Variants in AKAP9 observed in about 807,000 individuals in gnomAD.
AKAP9 encodes the protein A-kinase anchor protein 9.
In AKAP9, 311 loss-of-function variants were observed where a neutral mutation model predicts 488.5. The observed-to-expected ratio is 0.64, with a 90% CI of 0.58 to 0.70. The LOEUF (loss-of-function observed/expected upper bound fraction) is 0.70, where lower values mean the gene tolerates loss of function less well. Among genes scored for constraint, AKAP9 ranks in the 30% least tolerant of loss-of-function variants. AKAP9 has a pLI of 0.00. For synonymous variants in AKAP9, 1,462 were observed against 1,483.5 expected (o/e 0.99, Z 0.33); for missense variants, 4,215 against 4,374.5 (o/e 0.96, Z 1.03).
intron 1 of AKAP9, among the ~76,000 whole-genome samples, chr7:91,968,367 G>A (rs1794669437): frequency 6.6e-6 from 1 of 151,990 alleles, no homozygotes; most frequent in Admixed American, 6.6e-5. Flanking sequence ...TTTCTTCTAG[G>A]TTTTTGAATT....
chr7:92,001,476 TAGA>T lies in AKAP9; in HGVS notation c.1564_1566del (p.Glu522del). On this transcript the variant is annotated inframe_deletion, in exon 8 of 50. Transcript: ENST00000356239. The stretch of plus-strand genomic sequence containing the variant: ...CTCAAGGAAGAACTAGGACTAATTT[TAGA>T]AGAAAAGTGTGCTCTACAGAGACAG... 6.2e-7 allele frequency: 1 copy of T among 1,613,926 alleles called. No individual in the cohort carries two copies. Among genetic ancestry groups the T allele is most frequent in the Non-Finnish European group, 8.5e-7 (1 of 1,179,878 alleles).
At position 92,001,466 on chromosome 7, in the gene AKAP9, G is replaced by C. The variant is rs371522837; in HGVS notation, c.1549G>C (p.Gly517Arg). The C allele has an allele frequency of 2.2e-5, 36 of 1,613,810 alleles. No individual in the cohort carries two copies. The highest frequency in any genetic ancestry group is 2.8e-5 in the Non-Finnish European group (33 of 1,179,860). ...SQKEKLKEEL[G>R]LILEEKCALQ... ...AAAGGAAAAACTCAAGGAAGAACTA[G>C]GACTAATTTTAGAAGAAAAGTGTGC... Residue 517 changes from glycine (G) to arginine (R), a missense_variant, in exon 8 of 50, where the codon GGA becomes CGA. This residue lies in a region of AKAP9 where 2,361 missense variants were observed against 2,430.0 expected (regional missense o/e 0.97). Transcript: ENST00000356239.
intron 30 of AKAP9, 53 bp downstream of exon 30, chr7:92,077,928 G>T: frequency 7.4e-7 from 1 of 1,360,018 alleles, no homozygotes; most frequent in South Asian, 1.3e-5. Context: ...AGTTTTAAAG[G>T]GCAAAATGGT....
At position 91,980,309 on chromosome 7, in the gene AKAP9, C is replaced by T; in HGVS notation, c.327C>T (p.Thr109=). 1 of 1,584,768 alleles carries T rather than the reference C, an allele frequency of 6.3e-7. No homozygotes were observed. The highest frequency in any genetic ancestry group is 8.6e-7 in the Non-Finnish European group (1 of 1,159,528). ...FSVELESEIS[T]TADDCSSEVN... is the part of the protein sequence containing the mutation. Reference sequence around the variant, plus strand: ...TTTAGCTGGAAAGTGAAATTTCAACCACAGCAGATGACTGCAGTTCAGAGG... The same window carrying T: ...TTTAGCTGGAAAGTGAAATTTCAACTACAGCAGATGACTGCAGTTCAGAGG... Residue 109 remains threonine (T), a synonymous_variant, in exon 3 of 50, where the codon ACC becomes ACT. Coordinates refer to ENST00000356239, the MANE Select transcript of AKAP9 (RefSeq NM_005751.5).
intron 3 of AKAP9, among the ~76,000 whole-genome samples, chr7:91,980,560 G>T: frequency 9.2e-6 from 1 of 109,000 alleles, no homozygotes; most frequent in Admixed American, 1.3e-4. Context: ...AAATAGCTTG[G>T]TCTCTGTTTT....
At chr7:92,102,481 CT>C in intron 45 of AKAP9, 112 bp from the exon 46 acceptor site, 3 of 736,936 alleles carry the variant, frequency 4.1e-6, no homozygotes, top group East Asian at 2.7e-5. Context: ...ACTACTACTA[CT>C]ACTACTACCA....
chr7:92,005,303 T>C (rs1799687499), intron 8 of AKAP9, among the ~76,000 whole-genome samples: 1 of 152,176 alleles, frequency 6.6e-6, no homozygotes, highest in Admixed American at 6.5e-5. Flanking sequence ...TTAAATATGG[T>C]GGTCAGGAAA....
Position 91,992,972 on chromosome 7 carries a change from G to A in AKAP9, c.493G>A (p.Ala165Thr). 6.2e-7 allele frequency: 1 copy of A among 1,614,090 alleles called. No homozygotes were observed. The highest frequency in any genetic ancestry group is 8.5e-7 in the Non-Finnish European group (1 of 1,179,990). ...TCTAGAGATGATGGAAAGTGAGTTG[G>A]CTGGGAAGCAGCATGAGATTGAAGA... Reference protein sequence around the residue: ...THLEMMESELAGKQHEIEELN... With the variant: ...THLEMMESELTGKQHEIEELN... Residue 165 changes from alanine to threonine, a missense_variant, in exon 5 of 50, where the codon GCT becomes ACT. Around this residue, in one of 5 missense-constraint regions of AKAP9, gnomAD observed 2,361 missense variants for 2,430.0 expected, o/e 0.97. Transcript: ENST00000356239.
In AKAP9 at chr7:92,091,596, AAC is replaced by A. The variant is rs1253141345; in HGVS notation, c.9359-1499_9359-1498del. On this transcript the variant is annotated intron_variant, in intron 38 of 49. Transcript: ENST00000356239. ...GCAAGACTCTGTCTCAAAAAAAAAA[AAC>A]AAAAAAAAAAAACAAAGCAGAAGCA... Among the ~76,000 whole-genome samples, 69 of 148,162 alleles carry A rather than the reference AAC, an allele frequency of 4.7e-4. 2 individuals are homozygous for A. The highest frequency in any genetic ancestry group is 3.4e-3 in the Middle Eastern group (1 of 290).
At chr7:92,052,547 G>T (rs1409838296) in intron 21 of AKAP9, among the ~76,000 whole-genome samples, 179 bp from the exon 22 acceptor site, 1 of 151,882 alleles carries the variant, frequency 6.6e-6, no homozygotes, top group African/African-American at 2.4e-5. Flanking sequence ...TCATTCTTTT[G>T]CTTGGTTATT....
rs1816715135 is a variant in AKAP9 at position 92,097,023 on chromosome 7, A to G, written c.10064A>G (p.Lys3355Arg). 1 of 1,614,126 alleles carries G rather than the reference A, an allele frequency of 6.2e-7. No homozygotes were observed. The change falls in exon 41 of 50, where the codon AAA (lysine) becomes AGA (arginine). Residue 3355 changes from lysine (K) to arginine (R), a missense_variant. Physicochemically the swap from Lys to Arg is conservative, Grantham distance 26. Coordinates refer to ENST00000356239, the MANE Select transcript of AKAP9 (RefSeq NM_005751.5). ...GAGCTGCAGAAACAGCTAGAGGAAAAACACAGTCGCATAGTAGAATTGTTA... is the reference window on the plus strand; with the variant it reads ...GAGCTGCAGAAACAGCTAGAGGAAAGACACAGTCGCATAGTAGAATTGTTA... ...LKELQKQLEE[K>R]HSRIVELLNE...
chr7:91,997,008 C>T (rs1798483280), intron 7 of AKAP9, among the ~76,000 whole-genome samples: 1 of 152,126 alleles, frequency 6.6e-6, no homozygotes, highest in Non-Finnish European at 1.5e-5. Flanking sequence ...CTCAGGTATA[C>T]ACAGGTAGTA....
chr7:92,097,420 A>C, intron 41 of AKAP9, 63 bp downstream of exon 41: 1 of 1,574,998 alleles, frequency 6.3e-7, no homozygotes, highest in Non-Finnish European at 8.6e-7. Flanking sequence ...TGATCATTAA[A>C]TTTTGATATT....
At chr7:92,110,086 T>C in intron 49 of AKAP9, 36 bp from the exon 50 acceptor site, 6 of 1,539,410 alleles carry the variant, frequency 3.9e-6, no homozygotes, top group Non-Finnish European at 5.4e-6. Context: ...GCAATGTAAT[T>C]TGAAATCAGT....
At chr7:91,942,933 A>G (rs770388389) in intron 1 of AKAP9, among the ~76,000 whole-genome samples, 1 of 152,058 alleles carries the variant, frequency 6.6e-6, no homozygotes, top group Non-Finnish European at 1.5e-5. Context: ...GCTATACAAT[A>G]TAAAAATGCT....
At chr7:91,951,477 A>G (rs1792244698) in intron 1 of AKAP9, among the ~76,000 whole-genome samples, 1 of 151,878 alleles carries the variant, frequency 6.6e-6, no homozygotes, top group Admixed American at 6.6e-5. Context: ...GGGGCTCACC[A>G]CCATGCCTGG....
In AKAP9 at chr7:92,079,619, A is replaced by T. The variant is rs886038911; in HGVS notation, c.7486A>T (p.Asn2496Tyr). Residue 2496 changes from asparagine (N) to tyrosine (Y), a missense_variant, in exon 31 of 50, where the codon AAT becomes TAT. Physicochemically the swap from Asn to Tyr is moderately radical, Grantham distance 143 (BLOSUM62 -2). Coordinates refer to ENST00000356239, the MANE Select transcript of AKAP9 (RefSeq NM_005751.5). ...FEENGKGSII[N>Y]LETRLLQLES... ...AGAAAATGGCAAAGGTTCCATAATTAATTTGGAAACAAGGTTGCTACAACT... is the reference window on the plus strand; with the variant it reads ...AGAAAATGGCAAAGGTTCCATAATTTATTTGGAAACAAGGTTGCTACAACT... 5 of 1,613,844 alleles carry T rather than the reference A, an allele frequency of 3.1e-6. No homozygotes were observed. Among genetic ancestry groups the T allele is most frequent in the Non-Finnish European group, 4.2e-6 (5 of 1,179,992 alleles).
At chr7:92,018,441 C>CACACAG (rs1554413469) in intron 12 of AKAP9, among the ~76,000 whole-genome samples, 3 of 60,514 alleles carry the variant, frequency 5.0e-5, no homozygotes, top group Admixed American at 1.6e-4. Flanking sequence ...CACACACACA[C>CACACAG]AGAGAAATAT....
intron 23 of AKAP9, 27 bp from the exon 24 acceptor site, chr7:92,062,247 C>G: frequency 3.2e-6 from 5 of 1,575,918 alleles, no homozygotes; most frequent in Non-Finnish European, 4.4e-6. Context: ...AATAATAGTT[C>G]TATTTTCTGT....
Sources: gnomAD v4.1 joint callset for allele counts (sites outside exome capture counted in the v4.1 genomes callset) on GRCh38, gnomAD v4.1.1 for gene constraint, gnomAD v4.1.1 regional missense constraint, MANE v1.5 for transcripts, NCBI Gene and HGNC (gene_info 2026-07-23, HGNC 2026-07-21) for gene names.